ARFIP1: variants seen among roughly 807,000 people sequenced by gnomAD.
The protein encoded by ARFIP1 is ARF interacting protein 1, also known as arfaptin-1.
ARFIP1 carries 24 observed loss-of-function variants against 42.5 expected under a neutral mutation model. The ratio of observed to expected loss-of-function variants is 0.57; its 90% CI spans 0.41 to 0.80. ARFIP1 has a LOEUF of 0.80. Ranked by LOEUF, ARFIP1 falls within the 30% of genes least tolerant of loss-of-function variation. The pLI, the probability that ARFIP1 is intolerant of heterozygous loss-of-function variation, is 0.00. For missense variants in ARFIP1, 354 were observed against 434.0 expected, an observed-to-expected ratio of 0.82 and a Z score of 1.64; for synonymous variants, 141 against 153.7, an observed-to-expected ratio of 0.92 and a Z score of 0.61.
At chr4:152,803,609 C>G (rs1294128731) in intron 1 of ARFIP1, among the ~76,000 whole-genome samples, 1 of 152,070 alleles carries the variant, frequency 6.6e-6, no homozygotes, top group Non-Finnish European at 1.5e-5. Flanking sequence ...TCAATGATAA[C>G]ATGTGCATAT....
intron 2 of ARFIP1, among the ~76,000 whole-genome samples, chr4:152,847,872 G>A (rs115816993): frequency 2.6e-4 from 39 of 152,218 alleles, no homozygotes; most frequent in Non-Finnish European, 3.2e-4. Flanking sequence ...AATTTTTCCC[G>A]TGGAAGGCCC....
intron 3 of ARFIP1, among the ~76,000 whole-genome samples, chr4:152,866,993 A>ACGCGGC (rs1734443962): frequency 7.0e-6 from 1 of 143,776 alleles, no homozygotes; most frequent in Admixed American, 6.9e-5. Context: ...CCGGGCAGAG[A>ACGCGGC]CGCTCCTCAC....
At chr4:152,826,192 A>G (rs1406412474) in intron 1 of ARFIP1, among the ~76,000 whole-genome samples, 2 of 152,234 alleles carry the variant, frequency 1.3e-5, no homozygotes, top group Non-Finnish European at 2.9e-5. Context: ...AGCACAGTTC[A>G]CAGTTGCAAA....
chr4:152,906,815 A>G (rs72725609), intron 8 of ARFIP1, among the ~76,000 whole-genome samples: 3,883 of 152,286 alleles, frequency 0.025, 76 homozygotes, highest in South Asian at 0.072. Flanking sequence ...GCAGTCATAG[A>G]GGCCTTGTTG....
intron 2 of ARFIP1, among the ~76,000 whole-genome samples, chr4:152,852,593 A>G (rs1733085106): frequency 6.6e-6 from 1 of 151,988 alleles, no homozygotes; most frequent in South Asian, 2.1e-4. Flanking sequence ...AGATCACGCC[A>G]TTGCACTACA....
chr4:152,846,125 TTC>T lies in ARFIP1; in HGVS notation c.93+16402_93+16403del, dbSNP rs202149443. ...GGAACAGAAAACCAAATACCATATA[TTC>T]TCACTTATAAGTGCTAGCTAAACAC... On this transcript the variant is annotated intron_variant, in intron 2 of 8. Transcript: ENST00000353617. 3.0e-4 allele frequency among the ~76,000 whole-genome samples: 45 copies of T among 152,274 alleles called. No individual in the cohort carries two copies. The East Asian group carries it at 8.3e-3, about 28-fold the overall frequency.
At chr4:152,793,564 T>C (rs62318856) in intron 1 of ARFIP1, among the ~76,000 whole-genome samples, 4,072 of 152,128 alleles carry the variant, frequency 0.027, 98 homozygotes, top group South Asian at 0.11. Context: ...CATACATACC[T>C]ATGATAAAGT....
intron 8 of ARFIP1, among the ~76,000 whole-genome samples, chr4:152,904,194 ATATAT>A (rs1738098329): frequency 1.0e-5 from 1 of 96,746 alleles, no homozygotes; most frequent in East Asian, 3.1e-4. Flanking sequence ...ATATATATAT[ATATAT>A]TTTTTTTTTT....
At chr4:152,878,227 TA>T (rs746496339) in intron 5 of ARFIP1, among the ~76,000 whole-genome samples, 3 of 152,342 alleles carry the variant, frequency 2.0e-5, no homozygotes, top group East Asian at 1.9e-4. Flanking sequence ...GAAAACTGAA[TA>T]GGACCACCAG....
At chr4:152,895,653 C>G (rs532371366) in intron 8 of ARFIP1, among the ~76,000 whole-genome samples, 1 of 149,640 alleles carries the variant, frequency 6.7e-6, no homozygotes, top group Non-Finnish European at 1.5e-5. Flanking sequence ...CTCTACCTCC[C>G]AGGCTCAAGC....
chr4:152,819,494 A>G (rs1730183549), intron 1 of ARFIP1, among the ~76,000 whole-genome samples: 1 of 152,080 alleles, frequency 6.6e-6, no homozygotes, highest in African/African-American at 2.4e-5. Flanking sequence ...ACGTCACTGA[A>G]TCTACTGCAG....
chr4:152,796,516 T>C, intron 1 of ARFIP1: 1 of 755,978 alleles, frequency 1.3e-6, no homozygotes, highest in Non-Finnish European at 2.4e-6. Context: ...TCTTTTCGTT[T>C]CTGTTTAATC....
At chr4:152,821,444 A>G (rs991857372) in intron 1 of ARFIP1, among the ~76,000 whole-genome samples, 1 of 152,218 alleles carries the variant, frequency 6.6e-6, no homozygotes, top group Admixed American at 6.5e-5. Flanking sequence ...GACAAAAATT[A>G]TGACAGAAGA....
intron 2 of ARFIP1, among the ~76,000 whole-genome samples, chr4:152,830,996 T>C (rs1295713321): frequency 6.6e-6 from 1 of 152,342 alleles, no homozygotes; most frequent in East Asian, 1.9e-4. Context: ...TTCTGAGCAC[T>C]TGTGGTCCAA....
At chr4:152,908,243 GT>G (rs1180128010) in intron 8 of ARFIP1, among the ~76,000 whole-genome samples, 2 of 152,102 alleles carry the variant, frequency 1.3e-5, no homozygotes, top group Non-Finnish European at 2.9e-5. Flanking sequence ...TTCTTTGCCA[GT>G]TACATATAAA....
intron 1 of ARFIP1, among the ~76,000 whole-genome samples, chr4:152,829,072 C>G (rs1242698725): frequency 2.0e-5 from 3 of 152,172 alleles, no homozygotes; most frequent in African/African-American, 7.2e-5. Flanking sequence ...TTCCACTGAC[C>G]TATTTGTCTG....
chr4:152,818,822 A>T (rs1471557330), intron 1 of ARFIP1, among the ~76,000 whole-genome samples: 1 of 152,172 alleles, frequency 6.6e-6, no homozygotes, highest in Non-Finnish European at 1.5e-5. Flanking sequence ...CCAAGTGCAT[A>T]GGAGCTGAGT....
chr4:152,867,378 C>T (rs145056246), intron 3 of ARFIP1, among the ~76,000 whole-genome samples: 2,152 of 152,176 alleles, frequency 0.014, 51 homozygotes, highest in African/African-American at 0.049. Context: ...TGCCTGCAAT[C>T]GCAGGCACTC....
At chr4:152,793,548 C>T (rs915096597) in intron 1 of ARFIP1, among the ~76,000 whole-genome samples, 8 of 151,860 alleles carry the variant, frequency 5.3e-5, no homozygotes, top group African/African-American at 1.9e-4. Flanking sequence ...TAAGTTTTCT[C>T]CTATACATAC....
Sources: allele counts gnomAD v4.1 joint callset (sites outside exome capture counted in the v4.1 genomes callset), GRCh38; gene constraint gnomAD v4.1.1; transcripts MANE v1.5; gene names NCBI Gene and HGNC (gene_info 2026-07-23, HGNC 2026-07-21).